TBC1D26: variants seen among roughly 807,000 people sequenced by gnomAD.
The protein encoded by TBC1D26 is TBC1 domain family member 26.
Under a neutral mutation model 42.5 loss-of-function variants are expected in TBC1D26, and 19 were observed. That is an observed-to-expected ratio of 0.45 (90% CI 0.31 to 0.66). TBC1D26 has a LOEUF of 0.66. Ranked by LOEUF, TBC1D26 falls within the 30% of genes least tolerant of loss-of-function variation. TBC1D26 has a pLI of 0.06. For missense variants in TBC1D26, 228 were observed against 332.6 expected (o/e 0.69, Z 2.45); for synonymous variants, 97 against 123.5 (o/e 0.79, Z 1.42).
rs370312602 is a variant in TBC1D26 at position 15,740,138 on chromosome 17, C to T, written c.536C>T (p.Ala179Val). 1 of 1,614,180 alleles carries T rather than the reference C, an allele frequency of 6.2e-7. No individual in the cohort carries two copies. The change falls in exon 9 of 15, where the codon GCA becomes GTA. Residue 179 changes from alanine to valine, a missense_variant. This residue lies in a region of TBC1D26 where 130 missense variants were observed against 168.5 expected (regional missense o/e 0.77). Transcript: ENST00000437605. Reference protein sequence around the residue: ...ELCDILVAYSAYNPEVGYHRD... With the variant: ...ELCDILVAYSVYNPEVGYHRD... ...TGTGACATCCTCGTGGCCTATTCTGCATATAACCCTGTGAGTATTCCCGGG... is the reference window on the plus strand; with the variant it reads ...TGTGACATCCTCGTGGCCTATTCTGTATATAACCCTGTGAGTATTCCCGGG...
chr17:15,735,482 G>A, intron 3 of TBC1D26, 59 bp downstream of exon 3: 6 of 1,535,202 alleles, frequency 3.9e-6, no homozygotes, highest in Non-Finnish European at 5.3e-6. Flanking sequence ...GCTGTGCCCT[G>A]GTCACAGGGT....
chr17:15,742,152 G>A (rs1472219173), intron 11 of TBC1D26, 116 bp downstream of exon 11: 7 of 813,432 alleles, frequency 8.6e-6, no homozygotes, highest in Non-Finnish European at 1.2e-5. Flanking sequence ...GGCCTGACCT[G>A]GGATGGGGAT....
chr17:15,737,115 G>A (rs1328813486), intron 4 of TBC1D26, among the ~76,000 whole-genome samples: 2 of 151,922 alleles, frequency 1.3e-5, no homozygotes, highest in African/African-American at 4.8e-5. Context: ...AGGTACTGCT[G>A]TTAGTCAGGG....
At chr17:15,742,105 C>A in intron 11 of TBC1D26, 69 bp downstream of exon 11, 1 of 1,363,058 alleles carries the variant, frequency 7.3e-7, no homozygotes, top group Non-Finnish European at 1.0e-6. Context: ...AGGCTCAAGT[C>A]CCTCATGGGG....
intron 11 of TBC1D26, 44 bp from the exon 12 acceptor site, chr17:15,742,370 A>C (rs1175294251): frequency 2.6e-6 from 1 of 390,090 alleles, no homozygotes; most frequent in Non-Finnish European, 4.8e-6. Context: ...GGAGGATTTC[A>C]GGGCAGCCCA....
At chr17:15,740,403 AG>A in intron 9 of TBC1D26, 1 of 1,428,876 alleles carries the variant, frequency 7.0e-7, no homozygotes, top group Admixed American at 2.8e-5. Context: ...GGAGCTTGGC[AG>A]GGTCCCACAC....
chr17:15,743,574 G>A (rs1340679173), intron 14 of TBC1D26, 58 bp downstream of exon 14: 71 of 758,750 alleles, frequency 9.4e-5, no homozygotes, highest in Non-Finnish European at 1.1e-4. Context: ...CAATGGTGGG[G>A]AGTGCCGTGG....
At chr17:15,741,339 A>G in intron 10 of TBC1D26, 118 bp downstream of exon 10, 1 of 1,559,056 alleles carries the variant, frequency 6.4e-7, no homozygotes, top group South Asian at 1.2e-5. Context: ...CCTGCCTTGT[A>G]TCCCAGCTTG....
chr17:15,742,140 A>G lies in TBC1D26; in HGVS notation c.741+104A>G, dbSNP rs374054402. 27 of 941,138 alleles carry G rather than the reference A, an allele frequency of 2.9e-5. 1 individual carries two copies. In the East Asian group the frequency reaches 5.5e-4, roughly 19 times the overall value. 58.3% of individuals were successfully genotyped at this position (941,138 alleles called of 1,614,324 possible). A position where few individuals can be genotyped will look rare whatever the true frequency, so the allele number is the denominator to read the frequency against. On this transcript the variant is annotated intron_variant, in intron 11 of 14. Transcript: ENST00000437605. ...GCTGGCAAGAGGCTGAGTCCCAGCC[A>G]CGGCCTGACCTGGGATGGGGATTCC... is the stretch of plus-strand genomic sequence containing the variant.
At chr17:15,742,240 G>C (rs1474572793) in intron 11 of TBC1D26, among the ~76,000 whole-genome samples, 174 bp from the exon 12 acceptor site, 1 of 152,182 alleles carries the variant, frequency 6.6e-6, no homozygotes, top group Non-Finnish European at 1.5e-5. Flanking sequence ...CCGAGCTGCA[G>C]CTGAGCAGGG....
In TBC1D26 at chr17:15,741,234, C is replaced by G. The variant is rs538344037; in HGVS notation, c.646+13C>G. 157 of 1,613,440 alleles carry G rather than the reference C, an allele frequency of 9.7e-5. 1 individual carries two copies. The South Asian group carries it at 1.6e-3, about 17-fold the overall frequency. On this transcript the variant is annotated intron_variant, in intron 10 of 14. Transcript: ENST00000437605. ...CAGTTGCTCGCTGGTGAGAGGCACT[C>G]CCTGTGGGTAGGTGGACAGCTGCCC...
At chr17:15,740,791 C>T (rs1231926734) in intron 9 of TBC1D26, 2 of 860,314 alleles carry the variant, frequency 2.3e-6, no homozygotes, top group Non-Finnish European at 3.1e-6. Context: ...GTGCAGTTCA[C>T]AGGTGCTGCC....
intron 9 of TBC1D26, 22 bp from the exon 10 acceptor site, chr17:15,741,100 A>G (rs1319823335): frequency 1.3e-5 from 21 of 1,606,034 alleles, no homozygotes; most frequent in Non-Finnish European, 1.7e-5. Flanking sequence ...ACATCTTTCC[A>G]CGGTGACTCT....
intron 1 of TBC1D26, chr17:15,733,677 A>G (rs1967536545): frequency 6.6e-6 from 1 of 152,298 alleles, no homozygotes; most frequent in African/African-American, 2.4e-5. Context: ...ACATAAACGT[A>G]CATGCTCACC....
chr17:15,738,173 G>A (rs1442517804), intron 6 of TBC1D26, 96 bp downstream of exon 6: 296 of 1,609,510 alleles, frequency 1.8e-4, no homozygotes, highest in Non-Finnish European at 2.4e-4. Context: ...CCTCTCAGTG[G>A]GTGGGTGGTA....
intron 11 of TBC1D26, 80 bp downstream of exon 11, chr17:15,742,116 C>G: frequency 8.0e-7 from 1 of 1,244,124 alleles, no homozygotes; most frequent in Non-Finnish European, 1.1e-6. Context: ...CCTCATGGGG[C>G]TGGCAAGAGG....
At chr17:15,738,128 G>C in intron 6 of TBC1D26, 51 bp downstream of exon 6, 1 of 1,613,782 alleles carries the variant, frequency 6.2e-7, no homozygotes, top group Non-Finnish European at 8.5e-7. Flanking sequence ...AGAGCCAGGA[G>C]ACAGGCACCC....
At chr17:15,738,868 T>TG in intron 8 of TBC1D26, 38 bp downstream of exon 8, 1 of 1,608,080 alleles carries the variant, frequency 6.2e-7, no homozygotes, top group South Asian at 1.1e-5. Flanking sequence ...CCAGGGAAGA[T>TG]GGGGCAATCC....
rs1273518189 is a variant in TBC1D26, at chr17:15,738,322, G to T, written c.322G>T (p.Gly108Cys). 1.2e-6 allele frequency: 2 copies of T among 1,613,692 alleles called. No individual in the cohort carries two copies. The highest frequency in any genetic ancestry group is 1.1e-5 in the South Asian group (1 of 91,070). The change falls in exon 7 of 15, where the codon GGC becomes TGC. Residue 108 changes from glycine (G) to cysteine (C), a missense_variant. Gly to Cys is a radical substitution (Grantham distance 159). This residue lies in a region of TBC1D26 where 72 missense variants were observed against 90.1 expected (regional missense o/e 0.80). Coordinates refer to ENST00000437605, the MANE Select transcript of TBC1D26 (RefSeq NM_001388465.1). ...VYKVIPLAVR[G>C]RAWSLLLDID... is the part of the protein sequence containing the mutation. Reference sequence around the variant, plus strand: ...CAAAGTCATTCCCCTGGCGGTACGGGGCCGGGCGTGGTCACTTTTGCTAGA... The same window carrying T: ...CAAAGTCATTCCCCTGGCGGTACGGTGCCGGGCGTGGTCACTTTTGCTAGA...
Sources: gnomAD v4.1 joint callset for allele counts (sites outside exome capture counted in the v4.1 genomes callset) on GRCh38, gnomAD v4.1.1 for gene constraint, gnomAD v4.1.1 regional missense constraint, MANE v1.5 for transcripts, NCBI Gene and HGNC (gene_info 2026-07-23, HGNC 2026-07-21) for gene names.